SDK1: variants seen among roughly 807,000 people sequenced by gnomAD.
SDK1 encodes protein sidekick-1.
In SDK1, 157 loss-of-function variants were observed where a neutral mutation model predicts 245.5. The observed-to-expected ratio is 0.64, with a 90% CI of 0.56 to 0.73. The LOEUF is 0.73. SDK1 is among the 30% of genes least tolerant of loss of function. SDK1 has a pLI of 0.00. For synonymous variants in SDK1, 1,647 were observed against 1,278.5 expected (o/e 1.29, Z -6.15); for missense variants, 3,583 against 3,002.3 (o/e 1.19, Z -4.52).
intron 19 of SDK1, among the ~76,000 whole-genome samples, chr7:4,067,550 A>T (rs750483896): frequency 6.6e-6 from 1 of 152,240 alleles, no homozygotes; most frequent in Non-Finnish European, 1.5e-5. Flanking sequence ...TGTTCTAATC[A>T]GATTAGATCA....
chr7:3,514,914 A>C (rs575297944), intron 1 of SDK1, among the ~76,000 whole-genome samples: 1 of 152,276 alleles, frequency 6.6e-6, no homozygotes, highest in South Asian at 2.1e-4. Flanking sequence ...TCACTCATTT[A>C]AGTGTGACAA....
intron 4 of SDK1, among the ~76,000 whole-genome samples, chr7:3,663,755 T>A (rs1037980464): frequency 6.6e-6 from 1 of 152,150 alleles, no homozygotes; most frequent in Non-Finnish European, 1.5e-5. Flanking sequence ...TTATGTGTTG[T>A]CCCTACCACT....
chr7:4,237,769 A>G lies in SDK1; in HGVS notation c.6115A>G (p.Lys2039Glu), dbSNP rs993888971. The change falls in exon 42 of 45, where the codon AAG (lysine) becomes GAG (glutamate). Residue 2039 changes from lysine to glutamate, a missense_variant. Physicochemically the swap from Lys to Glu is moderately conservative, Grantham distance 56. Transcript: ENST00000404826. Reference sequence around the variant, plus strand: ...CCTGCACGGGCAGAATAAGAAGTATAAGAACTGCAGCACAGGTGCAGGTCC... The same window carrying G: ...CCTGCACGGGCAGAATAAGAAGTATGAGAACTGCAGCACAGGTGCAGGTCC... Reference protein sequence around the residue: ...LVLHGQNKKYKNCSTGKGIST... With the variant: ...LVLHGQNKKYENCSTGKGIST... 7 of 1,614,078 alleles carry G rather than the reference A, an allele frequency of 4.3e-6. No homozygotes were observed. In the East Asian group the frequency reaches 6.7e-5, roughly 15 times the overall value.
intron 4 of SDK1, among the ~76,000 whole-genome samples, chr7:3,746,907 G>A (rs988333679): frequency 6.6e-6 from 1 of 152,202 alleles, no homozygotes; most frequent in African/African-American, 2.4e-5. Flanking sequence ...CATCTAGAAT[G>A]ATGAATGCTT....
At chr7:4,206,425 G>A (rs1784230044) in intron 36 of SDK1, among the ~76,000 whole-genome samples, 1 of 152,316 alleles carries the variant, frequency 6.6e-6, no homozygotes, top group South Asian at 2.1e-4. Context: ...GTTGGACACT[G>A]AGTGAGTCCC....
At position 3,601,175 on chromosome 7, in the gene SDK1, A is replaced by G. The variant is rs73298208; in HGVS notation, c.299-17905A>G. ...CTAAGTTTATGAGAGATACTGGTCT[A>G]TAGTTTACTTTTTTGTATTTGTCAA... On this transcript the variant is annotated intron_variant, in intron 1 of 44. Coordinates refer to ENST00000404826, the MANE Select transcript of SDK1 (RefSeq NM_152744.4). Among the ~76,000 whole-genome samples the G allele has an allele frequency of 6.8e-3, 1,035 of 152,256 alleles. 16 individuals are homozygous for G. Among genetic ancestry groups the G allele is most frequent in the African/African-American group, 0.024 (992 of 41,558 alleles).
intron 1 of SDK1, among the ~76,000 whole-genome samples, chr7:3,614,407 C>T (rs1324290153): frequency 6.6e-6 from 1 of 152,158 alleles, no homozygotes; most frequent in Non-Finnish European, 1.5e-5. Context: ...ATTTGAAATA[C>T]ACACACACCC....
At chr7:3,927,435 G>A (rs1180304547) in intron 5 of SDK1, among the ~76,000 whole-genome samples, 2 of 152,122 alleles carry the variant, frequency 1.3e-5, no homozygotes, top group Admixed American at 1.3e-4. Context: ...AACAACTCTG[G>A]AAAATAAGCA....
At chr7:3,474,148 G>C (rs925448983) in intron 1 of SDK1, among the ~76,000 whole-genome samples, 2 of 126,010 alleles carry the variant, frequency 1.6e-5, no homozygotes, top group Non-Finnish European at 3.1e-5. Flanking sequence ...TGTTGCCCAG[G>C]CTGGGGCGCG....
In SDK1 at chr7:4,016,485, T is replaced by A. The variant is rs533136801; in HGVS notation, c.2421-686T>A. On this transcript the variant is annotated intron_variant, in intron 16 of 44. Transcript: ENST00000404826. ...TAATACAATGCAAATCTTCTCACAG[T>A]ACACACAGCAATTTCCTAATTTATA... Among the ~76,000 whole-genome samples the A allele has an allele frequency of 2.8e-4, 43 of 152,370 alleles. 2 individuals carry two copies. The South Asian group carries it at 8.9e-3, about 32-fold the overall frequency.
chr7:3,411,418 A>C (rs1176812710), intron 1 of SDK1, among the ~76,000 whole-genome samples: 1 of 152,202 alleles, frequency 6.6e-6, no homozygotes, highest in Non-Finnish European at 1.5e-5. Flanking sequence ...ATGATCCAAT[A>C]ACATAGATGA....
chr7:3,755,720 G>A (rs1779903862), intron 4 of SDK1, among the ~76,000 whole-genome samples: 1 of 151,964 alleles, frequency 6.6e-6, no homozygotes, highest in South Asian at 2.1e-4. Context: ...GTTTGCCCCT[G>A]TAATTTTGTT....
chr7:3,758,142 GCATATGTTAAAACCGC>G (rs1466480558), intron 4 of SDK1, among the ~76,000 whole-genome samples: 1 of 152,126 alleles, frequency 6.6e-6, no homozygotes, highest in African/African-American at 2.4e-5. Flanking sequence ...GAATTCGTGG[GCATATGTTAAAACCGC>G]CACTGTACTT....
At chr7:3,460,068 A>G (rs1780787198) in intron 1 of SDK1, among the ~76,000 whole-genome samples, 1 of 152,214 alleles carries the variant, frequency 6.6e-6, no homozygotes, top group African/African-American at 2.4e-5. Flanking sequence ...ATTGTTTATT[A>G]AGATATATTT....
chr7:3,467,352 C>T lies in SDK1; in HGVS notation c.299-151728C>T, dbSNP rs955160660. Among the ~76,000 whole-genome samples, 32 of 151,650 alleles carry T rather than the reference C, an allele frequency of 2.1e-4. 1 individual carries two copies. The highest frequency in any genetic ancestry group is 7.7e-4 in the African/African-American group (32 of 41,292). On this transcript the variant is annotated intron_variant, in intron 1 of 44. Coordinates refer to ENST00000404826, the MANE Select transcript of SDK1 (RefSeq NM_152744.4). The stretch of plus-strand genomic sequence containing the variant: ...ACTTTTATTCATGTAATTAAGAGCC[C>T]CACTCATGAACATTAAAGAATTGTT...
At chr7:3,719,495 A>G (rs1386678533) in intron 4 of SDK1, among the ~76,000 whole-genome samples, 2 of 152,178 alleles carry the variant, frequency 1.3e-5, no homozygotes, top group African/African-American at 4.8e-5. Flanking sequence ...ACCCACACGA[A>G]TATGCCCAAC....
intron 4 of SDK1, among the ~76,000 whole-genome samples, chr7:3,780,485 C>G (rs1228939709): frequency 6.6e-6 from 1 of 152,140 alleles, no homozygotes; most frequent in Non-Finnish European, 1.5e-5. Flanking sequence ...TAGCAGATAC[C>G]AGTCAACTTC....
At chr7:3,837,058 A>G (rs1242929876) in intron 5 of SDK1, among the ~76,000 whole-genome samples, 1 of 152,160 alleles carries the variant, frequency 6.6e-6, no homozygotes, top group East Asian at 1.9e-4. Flanking sequence ...GAGACACCGC[A>G]TGATCTCATT....
At chr7:4,123,200 C>A (rs191179749) in intron 25 of SDK1, among the ~76,000 whole-genome samples, 236 of 152,334 alleles carry the variant, frequency 1.5e-3, no homozygotes, top group African/African-American at 5.4e-3. Flanking sequence ...ATTTGTGTTG[C>A]TATGACAATG....
Sources: gnomAD v4.1 joint callset for allele counts (sites outside exome capture counted in the v4.1 genomes callset) on GRCh38, gnomAD v4.1.1 for gene constraint, MANE v1.5 for transcripts, NCBI Gene and HGNC (gene_info 2026-07-23, HGNC 2026-07-21) for gene names.